Variants in SAMMSON observed in about 807,000 individuals in gnomAD.
The protein encoded by SAMMSON is long intergenic non-protein coding RNA 1212.
intron 9 of SAMMSON, among the ~76,000 whole-genome samples, chr3:70,362,459 G>C (rs1382663746): frequency 6.6e-6 from 1 of 152,090 alleles, no homozygotes; most frequent in East Asian, 1.9e-4. Context: ...CTGTTTAGTA[G>C]GTTTATGGTA....
intron 6 of SAMMSON, among the ~76,000 whole-genome samples, chr3:70,274,085 G>GCGCA (rs1701999110): frequency 6.8e-6 from 1 of 146,678 alleles, no homozygotes. Flanking sequence ...GTGTGTGTGT[G>GCGCA]TGTGTGCGCG....
At chr3:70,090,583 A>G (rs1244745649) in intron 4 of SAMMSON, among the ~76,000 whole-genome samples, 1 of 152,108 alleles carries the variant, frequency 6.6e-6, no homozygotes, top group African/African-American at 2.4e-5. Context: ...TCTTTATTCA[A>G]CTTTCATATT....
chr3:70,149,923 C>T (rs927584329), intron 4 of SAMMSON, among the ~76,000 whole-genome samples: 2 of 152,054 alleles, frequency 1.3e-5, no homozygotes, highest in African/African-American at 4.8e-5. Flanking sequence ...ATGTGATTAG[C>T]TCATTATTAG....
At chr3:70,404,724 C>T (rs1701166046) in intron 2 of SAMMSON, among the ~76,000 whole-genome samples, 1 of 152,062 alleles carries the variant, frequency 6.6e-6, no homozygotes, top group South Asian at 2.1e-4. Flanking sequence ...AGAAGGCAAA[C>T]AAAGAAGCAA....
At chr3:70,210,551 C>T (rs17006842) in intron 4 of SAMMSON, among the ~76,000 whole-genome samples, 6,601 of 152,024 alleles carry the variant, frequency 0.043, 191 homozygotes, top group South Asian at 0.11. Flanking sequence ...TTGTATTATT[C>T]GACATTGCAC....
At chr3:70,304,873 C>A (rs1044287270) in intron 7 of SAMMSON, among the ~76,000 whole-genome samples, 4 of 151,982 alleles carry the variant, frequency 2.6e-5, no homozygotes, top group Admixed American at 6.6e-5. Context: ...ATTTAAGCAC[C>A]TTCTTTTCCT....
At chr3:70,425,561 G>A (rs9831217) in intron 2 of SAMMSON, among the ~76,000 whole-genome samples, 32,135 of 149,744 alleles carry the variant, frequency 0.21, 3,655 homozygotes, top group African/African-American at 0.29. Flanking sequence ...ACAGGTGCCC[G>A]CCACCACGCC....
intron 3 of SAMMSON, among the ~76,000 whole-genome samples, chr3:70,044,496 A>G (rs2067116828): frequency 6.6e-6 from 1 of 152,058 alleles, no homozygotes; most frequent in African/African-American, 2.4e-5. Context: ...CCAACCAGAT[A>G]TTCATTTTTG....
chr3:70,388,127 T>C (rs2106755639), intron 9 of SAMMSON, among the ~76,000 whole-genome samples: 1 of 152,276 alleles, frequency 6.6e-6, no homozygotes, highest in South Asian at 2.1e-4. Context: ...AGTTTAAGAC[T>C]CTGAGAAGAT....
chr3:70,142,104 A>C (rs923740179), intron 4 of SAMMSON, among the ~76,000 whole-genome samples: 1 of 132,344 alleles, frequency 7.6e-6, no homozygotes, highest in Non-Finnish European at 1.6e-5. Context: ...CAGTACAACC[A>C]CTATGGAAAA....
At chr3:70,072,646 G>GAAAAAAAAAAAAAAAAAAAAAGAA (rs35807309) in intron 4 of SAMMSON, 1 of 87,690 alleles carries the variant, frequency 1.1e-5, no homozygotes, top group African/African-American at 4.3e-5. Flanking sequence ...AACAGCAAAG[G>GAAAAAAAAAAAAAAAAAAAAAGAA]AAAAAAAAAA....
intron 4 of SAMMSON, among the ~76,000 whole-genome samples, chr3:70,229,284 T>G (rs1466494370): frequency 6.6e-6 from 1 of 152,200 alleles, no homozygotes; most frequent in Non-Finnish European, 1.5e-5. Flanking sequence ...AAGAATTTAG[T>G]GGGCAACCAT....
chr3:70,235,252 C>G (rs181078001), intron 4 of SAMMSON, among the ~76,000 whole-genome samples: 73 of 152,284 alleles, frequency 4.8e-4, no homozygotes, highest in Non-Finnish European at 4.4e-5. Flanking sequence ...CAGTCTTACT[C>G]TACTGACTGC....
intron 4 of SAMMSON, among the ~76,000 whole-genome samples, chr3:70,240,043 G>A (rs1299920664): frequency 6.6e-6 from 1 of 152,010 alleles, no homozygotes; most frequent in East Asian, 1.9e-4. Flanking sequence ...TGATAGTTTT[G>A]AGTGCTTCAA....
At chr3:70,140,826 C>G (rs1387309496) in intron 4 of SAMMSON, among the ~76,000 whole-genome samples, 1 of 152,110 alleles carries the variant, frequency 6.6e-6, no homozygotes, top group Non-Finnish European at 1.5e-5. Context: ...TAACATGTTC[C>G]TCTTCCTCAT....
At chr3:70,025,887 G>A (rs1450132818) in intron 3 of SAMMSON, among the ~76,000 whole-genome samples, 1 of 152,136 alleles carries the variant, frequency 6.6e-6, no homozygotes, top group African/African-American at 2.4e-5. Flanking sequence ...TTGTTAAGTG[G>A]AAGTGAATCA....
chr3:70,197,654 A>G (rs1334779786), intron 4 of SAMMSON, among the ~76,000 whole-genome samples: 1 of 152,228 alleles, frequency 6.6e-6, no homozygotes, highest in East Asian at 1.9e-4. Context: ...ATGGATTCCC[A>G]TAAATCTGCC....
chr3:70,126,762 CTG>C, intron 4 of SAMMSON: 2 of 234,400 alleles, frequency 8.5e-6, no homozygotes, highest in East Asian at 1.2e-4. Flanking sequence ...GTTGCCTAGG[CTG>C]GAGTGCAGTG....
At chr3:70,408,704 C>T (rs1297462583) in intron 2 of SAMMSON, among the ~76,000 whole-genome samples, 1 of 152,136 alleles carries the variant, frequency 6.6e-6, no homozygotes, top group Non-Finnish European at 1.5e-5. Flanking sequence ...CCCACATTTT[C>T]CTGTCTTCTC....
Sources: gnomAD v4.1 joint callset for allele counts (sites outside exome capture counted in the v4.1 genomes callset) on GRCh38, gnomAD v4.1.1 for gene constraint, MANE v1.5 for transcripts, NCBI Gene and HGNC (gene_info 2026-07-23, HGNC 2026-07-21) for gene names.